Variants in METTL8 observed in about 807,000 individuals in gnomAD.
The protein encoded by METTL8 is tRNA N(3)-cytidine methyltransferase METTL8, mitochondrial.
A neutral mutation model predicts 48.7 loss-of-function variants in METTL8; 32 were observed. The observed-to-expected ratio is 0.66, with a 90% CI of 0.50 to 0.88. The LOEUF (loss-of-function observed/expected upper bound fraction) is 0.88, where lower values mean the gene tolerates loss of function less well. Ranked by LOEUF, METTL8 falls within the 40% of genes least tolerant of loss-of-function variation. The probability of loss-of-function intolerance (pLI) is 0.00; values close to 1 mark genes in which losing one functional copy is unlikely to be tolerated. For synonymous variants in METTL8, 136 were observed against 157.1 expected (o/e 0.87, Z 1.01); for missense variants, 464 against 474.4 (o/e 0.98, Z 0.20).
chr2:171,344,710 C>G (rs1687101110), intron 3 of METTL8, among the ~76,000 whole-genome samples: 1 of 152,130 alleles, frequency 6.6e-6, no homozygotes, highest in African/African-American at 2.4e-5. Context: ...AGAAGCAGCA[C>G]CAGTGTCTGG....
chr2:171,373,563 T>C (rs528040876), intron 2 of METTL8, among the ~76,000 whole-genome samples: 2 of 152,378 alleles, frequency 1.3e-5, no homozygotes, highest in South Asian at 4.1e-4. Flanking sequence ...CCCATGCCTA[T>C]GTCCTGAATG....
At chr2:171,341,808 T>C (rs1686802304) in intron 3 of METTL8, among the ~76,000 whole-genome samples, 1 of 150,614 alleles carries the variant, frequency 6.6e-6, no homozygotes, top group Admixed American at 6.7e-5. Context: ...AAAATACGCA[T>C]GTATGGTTAC....
chr2:171,363,529 C>G (rs1559113816), intron 2 of METTL8, among the ~76,000 whole-genome samples: 1 of 151,684 alleles, frequency 6.6e-6, no homozygotes. Context: ...ATAAATTGTA[C>G]TTCTGGGAAC....
intron 2 of METTL8, among the ~76,000 whole-genome samples, chr2:171,390,404 C>T (rs897938338): frequency 2.0e-5 from 3 of 152,180 alleles, no homozygotes; most frequent in Admixed American, 6.5e-5. Context: ...AACTACATTT[C>T]GTAAAGCTAT....
At chr2:171,358,146 T>C (rs1339029630) in intron 3 of METTL8, among the ~76,000 whole-genome samples, 1 of 150,868 alleles carries the variant, frequency 6.6e-6, no homozygotes. Flanking sequence ...AGGTCAAGAG[T>C]TCAAGACCAG....
At chr2:171,358,844 C>T (rs1684860872) in intron 3 of METTL8, among the ~76,000 whole-genome samples, 1 of 152,010 alleles carries the variant, frequency 6.6e-6, no homozygotes, top group Non-Finnish European at 1.5e-5. Context: ...CTAACAAGCA[C>T]CTGTACAGCA....
chr2:171,332,885 G>C (rs1027817425), intron 5 of METTL8: 3 of 152,178 alleles, frequency 2.0e-5, no homozygotes, highest in African/African-American at 7.2e-5. Flanking sequence ...TCACATGCCA[G>C]GGATGAGAAG....
intron 3 of METTL8, among the ~76,000 whole-genome samples, chr2:171,352,838 ATC>A (rs559873152): frequency 0.011 from 1,731 of 151,904 alleles, 24 homozygotes; most frequent in African/African-American, 0.039. Context: ...TTTTTATTGC[ATC>A]TGTTTGATTC....
At chr2:171,379,385 G>A (rs376555300) in intron 2 of METTL8, among the ~76,000 whole-genome samples, 71 of 151,762 alleles carry the variant, frequency 4.7e-4, no homozygotes, top group African/African-American at 1.5e-3. Flanking sequence ...ACAAGCTAGC[G>A]GAAGGCAAGA....
In METTL8 at chr2:171,356,952, A is replaced by ATTTTTTTTTTTTTTT. The variant is rs763021449; in HGVS notation, c.235+3455_235+3469dup. Among the ~76,000 whole-genome samples the ATTTTTTTTTTTTTTT allele has an allele frequency of 1.2e-3, 93 of 78,440 alleles. 32 individuals are homozygous for ATTTTTTTTTTTTTTT. Among genetic ancestry groups the ATTTTTTTTTTTTTTT allele is most frequent in the Non-Finnish European group, 1.4e-3 (58 of 41,382 alleles). 51.5% of individuals were successfully genotyped at this position (78,440 alleles called of 152,430 possible). A position where few individuals can be genotyped will look rare whatever the true frequency, so the allele number is the denominator to read the frequency against. On this transcript the variant is annotated intron_variant, in intron 3 of 9. Transcript: ENST00000375258. ...CAAATTAGCCTTGTTCAAAGACAATATTTTTTTTTTTTTTTTTGAGACAGG... is the reference window on the plus strand; with the variant it reads ...CAAATTAGCCTTGTTCAAAGACAATATTTTTTTTTTTTTTTTTTTTTTTTTTTTTTTTGAGACAGG...
intron 3 of METTL8, among the ~76,000 whole-genome samples, chr2:171,354,102 G>T (rs1479118953): frequency 2.0e-5 from 3 of 152,186 alleles, no homozygotes; most frequent in Admixed American, 6.5e-5. Flanking sequence ...GGTACCGGTT[G>T]TTCCTTTCCA....
intron 4 of METTL8, among the ~76,000 whole-genome samples, chr2:171,337,714 C>T (rs1337601325): frequency 6.6e-6 from 1 of 151,042 alleles, no homozygotes; most frequent in African/African-American, 2.4e-5. Context: ...CACACCAAAA[C>T]CCAAAATAAA....
intron 3 of METTL8, among the ~76,000 whole-genome samples, chr2:171,356,300 C>T (rs534834350): frequency 5.9e-5 from 9 of 152,200 alleles, no homozygotes; most frequent in South Asian, 4.1e-4. Context: ...CCACCAGACC[C>T]GGCTAATTTT....
chr2:171,372,981 T>C (rs1316133076), intron 2 of METTL8, among the ~76,000 whole-genome samples: 3 of 152,234 alleles, frequency 2.0e-5, no homozygotes, highest in African/African-American at 7.2e-5. Flanking sequence ...TGATTTATAA[T>C]CCTTTGGGTA....
chr2:171,355,200 A>G (rs6708195), intron 3 of METTL8, among the ~76,000 whole-genome samples: 2,262 of 152,294 alleles, frequency 0.015, 63 homozygotes, highest in African/African-American at 0.05. Context: ...CAGGACCCTC[A>G]GCTGCAGGTC....
intron 1 of METTL8, among the ~76,000 whole-genome samples, chr2:171,413,996 A>C (rs1691018046): frequency 6.6e-6 from 1 of 152,196 alleles, no homozygotes; most frequent in African/African-American, 2.4e-5. Context: ...AATCAGAAGA[A>C]TATATTAAGG....
At chr2:171,426,331 G>A (rs975925928) in intron 1 of METTL8, among the ~76,000 whole-genome samples, 1 of 152,246 alleles carries the variant, frequency 6.6e-6, no homozygotes, top group African/African-American at 2.4e-5. Flanking sequence ...ACAAGCTATA[G>A]AAGAGTACAC....
In METTL8 at chr2:171,362,400, A is replaced by G. The variant is rs117151699; in HGVS notation, c.144-1887T>C. Among the ~76,000 whole-genome samples the G allele has an allele frequency of 1.9e-3, 287 of 152,212 alleles. 7 individuals are homozygous for G. The East Asian group carries it at 0.029, about 15-fold the overall frequency. On this transcript the variant is annotated intron_variant, in intron 2 of 9. Coordinates refer to ENST00000375258, the MANE Select transcript of METTL8 (RefSeq NM_001321154.2). ...GGTCTTAAAACTGAGTATCTAGGAA[A>G]GTGGGGGTAACAATGACAGAATATG...
intron 2 of METTL8, among the ~76,000 whole-genome samples, chr2:171,377,600 A>C (rs1265856835): frequency 6.6e-6 from 1 of 152,234 alleles, no homozygotes; most frequent in African/African-American, 2.4e-5. Flanking sequence ...TTCTCAAAAG[A>C]AGATGTACAA....
Sources: allele counts gnomAD v4.1 joint callset (sites outside exome capture counted in the v4.1 genomes callset), GRCh38; gene constraint gnomAD v4.1.1; transcripts MANE v1.5; gene names NCBI Gene and HGNC (gene_info 2026-07-23, HGNC 2026-07-21).